Variants in WASHC3 observed in about 807,000 individuals in gnomAD.
WASHC3 encodes WASH complex subunit 3, also known as WASH complex subunit CCDC53.
Under a neutral mutation model 26.1 loss-of-function variants are expected in WASHC3, and 24 were observed. That is an observed-to-expected ratio of 0.92 (90% CI 0.66 to 1.29). The LOEUF is 1.29. WASHC3 is among the 50% of genes most tolerant of loss of function. The pLI is 0.00. For missense variants in WASHC3, 214 were observed against 229.6 expected, an observed-to-expected ratio of 0.93 and a Z score of 0.44; for synonymous variants, 77 against 75.7, an observed-to-expected ratio of 1.02 and a Z score of -0.09.
intron 2 of WASHC3, among the ~76,000 whole-genome samples, chr12:102,057,689 G>T (rs1254022540): frequency 6.6e-6 from 1 of 151,574 alleles, no homozygotes; most frequent in African/African-American, 2.4e-5. Flanking sequence ...AATACATAGG[G>T]GTAAATTTAA....
chr12:102,059,176 A>G (rs1878707942), intron 2 of WASHC3, among the ~76,000 whole-genome samples: 1 of 152,158 alleles, frequency 6.6e-6, no homozygotes, highest in South Asian at 2.1e-4. Flanking sequence ...GAAAATTGCT[A>G]AGAGAGGCGA....
chr12:102,035,322 TGAA>T (rs879487946), intron 5 of WASHC3, among the ~76,000 whole-genome samples: 29 of 152,050 alleles, frequency 1.9e-4, no homozygotes, highest in Admixed American at 1.7e-3. Flanking sequence ...TAAATGATAA[TGAA>T]GAAGGGACAG....
rs1377292694 is a variant in WASHC3 at position 102,050,125 on chromosome 12, C to G, written c.151-4006G>C. The G allele has an allele frequency of 9.7e-6, 3 of 308,748 alleles. No individual in the cohort carries two copies. The East Asian group carries it at 3.2e-4, about 33-fold the overall frequency. The allele number at this position is 308,748 out of a possible 1,614,324, so 19.1% of individuals were successfully genotyped here. A position where few individuals can be genotyped will look rare whatever the true frequency, so the allele number is the denominator to read the frequency against. Reference sequence around the variant, plus strand: ...CTCAGGAGTTCAAGACCAGCTTGGGCAACATAGGGAAACCCTGTCTCTACA... The same window carrying G: ...CTCAGGAGTTCAAGACCAGCTTGGGGAACATAGGGAAACCCTGTCTCTACA... On this transcript the variant is annotated intron_variant, in intron 2 of 6. Transcript: ENST00000240079.
intron 6 of WASHC3, 89 bp downstream of exon 6, chr12:102,025,885 A>G: frequency 1.3e-6 from 1 of 742,740 alleles, no homozygotes; most frequent in Non-Finnish European, 2.3e-6. Flanking sequence ...CTGTAGGAAT[A>G]AAAATACAGA....
At chr12:102,026,081 C>G in intron 5 of WASHC3, 43 bp from the exon 6 acceptor site, 1 of 1,116,832 alleles carries the variant, frequency 9.0e-7, no homozygotes, top group Non-Finnish European at 1.3e-6. Context: ...AAAAATGTCT[C>G]CTTTATATGT....
At position 102,046,182 on chromosome 12, in the gene WASHC3, G is replaced by A. The variant is rs1455261420; in HGVS notation, c.151-63C>T. On this transcript the variant is annotated intron_variant, in intron 2 of 6. Transcript: ENST00000240079. ...AAAATAAACTGTTAACAATAACTAA[G>A]GGCAGATATGAAAATATTAAAAACC... The A allele has an allele frequency of 5.8e-6, 5 of 861,600 alleles. No individual in the cohort carries two copies. In the African/African-American group the frequency reaches 6.8e-5, roughly 12 times the overall value. The allele number at this position is 861,600 out of a possible 1,614,324, so 53.4% of individuals were successfully genotyped here.
chr12:102,016,080 G>A (rs753312787), intron 6 of WASHC3, among the ~76,000 whole-genome samples: 47 of 152,108 alleles, frequency 3.1e-4, no homozygotes, highest in Non-Finnish European at 6.5e-4. Context: ...GGTAGAGAGC[G>A]GGTTTCACCA....
intron 2 of WASHC3, among the ~76,000 whole-genome samples, chr12:102,046,390 G>C (rs532199990): frequency 6.6e-6 from 1 of 152,160 alleles, no homozygotes; most frequent in East Asian, 1.9e-4. Flanking sequence ...CTGCCCCCTG[G>C]GTTCAAGTGA....
intron 2 of WASHC3, among the ~76,000 whole-genome samples, chr12:102,055,511 A>G (rs988135523): frequency 2.0e-5 from 3 of 152,026 alleles, no homozygotes; most frequent in African/African-American, 7.3e-5. Flanking sequence ...ACGCCCAGTT[A>G]ATTTTTGTAT....
chr12:102,055,138 C>A (rs968322160), intron 2 of WASHC3, among the ~76,000 whole-genome samples: 1 of 151,922 alleles, frequency 6.6e-6, no homozygotes, highest in Non-Finnish European at 1.5e-5. Context: ...AAAAGAAAAA[C>A]AAAATCCACA....
At chr12:102,040,015 T>C (rs770755875) in intron 4 of WASHC3, 37 bp from the exon 5 acceptor site, 2 of 924,562 alleles carry the variant, frequency 2.2e-6, no homozygotes, top group African/African-American at 3.3e-5. Flanking sequence ...TTAGACAATT[T>C]ACAAAAGGGG....
At chr12:102,039,351 A>C (rs368140418) in intron 5 of WASHC3, among the ~76,000 whole-genome samples, 7 of 152,030 alleles carry the variant, frequency 4.6e-5, no homozygotes, top group Admixed American at 3.9e-4. Flanking sequence ...AAGGAATAAA[A>C]AAATGTTAGC....
intron 2 of WASHC3, among the ~76,000 whole-genome samples, chr12:102,051,551 C>T (rs904594439): frequency 6.6e-6 from 1 of 152,206 alleles, no homozygotes; most frequent in Non-Finnish European, 1.5e-5. Flanking sequence ...GTACTGCACT[C>T]TCTCACTTGA....
chr12:102,024,841 A>G (rs1405207049), intron 6 of WASHC3, among the ~76,000 whole-genome samples: 1 of 152,198 alleles, frequency 6.6e-6, no homozygotes, highest in Non-Finnish European at 1.5e-5. Flanking sequence ...TCTGATTCAC[A>G]TTAAAATACA....
At chr12:102,045,700 A>C (rs188996523) in intron 3 of WASHC3, among the ~76,000 whole-genome samples, 29 of 152,356 alleles carry the variant, frequency 1.9e-4, no homozygotes, top group Admixed American at 1.0e-3. Context: ...TGAGACATCT[A>C]AAGATTTATA....
chr12:102,038,547 GTTGTTT>G (rs985137091), intron 5 of WASHC3, among the ~76,000 whole-genome samples: 4 of 152,042 alleles, frequency 2.6e-5, no homozygotes, highest in African/African-American at 9.7e-5. Flanking sequence ...TGTTGTTGTT[GTTGTTT>G]TTTAACAAGT....
chr12:102,035,012 G>A (rs369088730), intron 5 of WASHC3, among the ~76,000 whole-genome samples: 4 of 151,926 alleles, frequency 2.6e-5, no homozygotes, highest in African/African-American at 9.7e-5. Flanking sequence ...ATGAGATAAA[G>A]AAACCCCTAA....
chr12:102,044,060 C>A, intron 4 of WASHC3, 45 bp downstream of exon 4: 1 of 932,618 alleles, frequency 1.1e-6, no homozygotes, highest in South Asian at 1.6e-5. Context: ...TTAACACTAT[C>A]AGTTTCAACC....
intron 2 of WASHC3, 133 bp downstream of exon 2, chr12:102,061,115 G>A: frequency 3.2e-6 from 2 of 633,840 alleles, no homozygotes; most frequent in Non-Finnish European, 5.7e-6. Flanking sequence ...CCTAAGATGT[G>A]TTAACACAAT....
Sources: allele counts gnomAD v4.1 joint callset (sites outside exome capture counted in the v4.1 genomes callset), GRCh38; gene constraint gnomAD v4.1.1; transcripts MANE v1.5; gene names NCBI Gene and HGNC (gene_info 2026-07-23, HGNC 2026-07-21).